The following TTBK2 variants were observed in gnomAD, a reference collection of about 807,000 sequenced individuals.
TTBK2 encodes the protein tau-tubulin kinase 2.
TTBK2 carries 28 observed loss-of-function variants against 110.8 expected under a neutral mutation model. The observed-to-expected ratio is 0.25, with a 90% CI of 0.19 to 0.35. The LOEUF (loss-of-function observed/expected upper bound fraction) is 0.35. Ranked by LOEUF, TTBK2 falls within the 10% of genes least tolerant of loss-of-function variation. The probability of loss-of-function intolerance (pLI) is 1.00; values close to 1 mark genes in which losing one functional copy is unlikely to be tolerated. For synonymous variants in TTBK2, 532 were observed against 527.3 expected (o/e 1.01, Z -0.12); for missense variants, 1,369 against 1,500.3 (o/e 0.91, Z 1.45).
chr15:42,876,026 C>T (rs1438990634), intron 2 of TTBK2, among the ~76,000 whole-genome samples: 2 of 151,346 alleles, frequency 1.3e-5, no homozygotes, highest in Non-Finnish European at 2.9e-5. Flanking sequence ...GAGCTAAGGA[C>T]CTCAAGATAC....
rs544899554 is a variant in TTBK2 at position 42,835,044 on chromosome 15, A to G, written c.292-4966T>C. 2.0e-5 allele frequency among the ~76,000 whole-genome samples: 3 copies of G among 152,342 alleles called. No individual in the cohort carries two copies. The East Asian group carries it at 5.8e-4, about 29-fold the overall frequency. On this transcript the variant is annotated intron_variant, in intron 4 of 14. Transcript: ENST00000267890. ...CAAGTAGTAGTCCTGCCTTTCCTAT[A>G]TAAAATATACTTGAGGATAACCTAA...
At chr15:42,751,049 C>G (rs2061858462) in intron 14 of TTBK2, among the ~76,000 whole-genome samples, 3 of 152,138 alleles carry the variant, frequency 2.0e-5, no homozygotes, top group African/African-American at 7.2e-5. Flanking sequence ...TTGTTACCAC[C>G]AGACCTGTCT....
At chr15:42,747,321 G>C (rs1264782828) in intron 14 of TTBK2, among the ~76,000 whole-genome samples, 1 of 152,104 alleles carries the variant, frequency 6.6e-6, no homozygotes, top group Admixed American at 6.5e-5. Context: ...TGTCTTCTTT[G>C]TCCTAAATGT....
At chr15:42,832,113 T>C (rs1892786237) in intron 4 of TTBK2, among the ~76,000 whole-genome samples, 1 of 152,176 alleles carries the variant, frequency 6.6e-6, no homozygotes, top group South Asian at 2.1e-4. Context: ...TAATGGAAAT[T>C]TGTTGTTCCC....
chr15:42,810,410 G>A (rs574389270), intron 9 of TTBK2, among the ~76,000 whole-genome samples: 1 of 152,256 alleles, frequency 6.6e-6, no homozygotes, highest in East Asian at 1.9e-4. Context: ...ATGAAGTTAA[G>A]TCCATCCAGA....
intron 3 of TTBK2, among the ~76,000 whole-genome samples, chr15:42,861,841 T>C (rs1213451661): frequency 6.6e-6 from 1 of 151,998 alleles, no homozygotes; most frequent in Non-Finnish European, 1.5e-5. Context: ...TTGACAGCAC[T>C]AGCTACATTA....
intron 9 of TTBK2, chr15:42,801,202 C>G: frequency 6.6e-7 from 1 of 1,519,138 alleles, no homozygotes; most frequent in Non-Finnish European, 9.1e-7. Flanking sequence ...TTCTGCATCC[C>G]AGACTCCAGC....
chr15:42,865,632 G>A (rs1346356874), intron 3 of TTBK2, among the ~76,000 whole-genome samples: 2 of 151,600 alleles, frequency 1.3e-5, no homozygotes, highest in East Asian at 3.9e-4. Context: ...GGGCCGGTCT[G>A]GGCAACATAG....
At chr15:42,911,095 T>C (rs1233323258) in intron 1 of TTBK2, among the ~76,000 whole-genome samples, 3 of 151,684 alleles carry the variant, frequency 2.0e-5, no homozygotes, top group South Asian at 2.1e-4. Context: ...CTACATCAAT[T>C]TGTAAGGGCC....
At chr15:42,803,180 T>C (rs1418920250) in intron 9 of TTBK2, among the ~76,000 whole-genome samples, 3 of 152,222 alleles carry the variant, frequency 2.0e-5, no homozygotes, top group Non-Finnish European at 4.4e-5. Flanking sequence ...CAAAGCTAGA[T>C]GGTACAGCCT....
At chr15:42,850,636 TAATTAAA>T (rs1893658986) in intron 3 of TTBK2, among the ~76,000 whole-genome samples, 1 of 152,200 alleles carries the variant, frequency 6.6e-6, no homozygotes, top group African/African-American at 2.4e-5. Context: ...ACCTGGATCT[TAATTAAA>T]AATTAAAAAT....
In TTBK2 at chr15:42,878,411, A is replaced by C. The variant is rs1894902516; in HGVS notation, c.69+138T>G. The C allele has an allele frequency of 2.7e-6, 4 of 1,491,916 alleles. No individual in the cohort carries two copies. The Admixed American group carries it at 7.9e-5, about 29-fold the overall frequency. 92.4% of individuals were successfully genotyped at this position (1,491,916 alleles called of 1,614,324 possible). On this transcript the variant is annotated intron_variant, in intron 2 of 14. Transcript: ENST00000267890. ...AAAAATAACTGTAAATAACTGCTTT[A>C]GGCATATAAGTAATGTATGTAATAT...
At chr15:42,754,116 T>C (rs1392502414) in intron 13 of TTBK2, among the ~76,000 whole-genome samples, 2 of 150,948 alleles carry the variant, frequency 1.3e-5, no homozygotes, top group Admixed American at 6.6e-5. Flanking sequence ...ACACGGTTAC[T>C]GTGTCACCCA....
At chr15:42,800,918 C>T in intron 9 of TTBK2, 1 of 699,512 alleles carries the variant, frequency 1.4e-6, no homozygotes, top group South Asian at 1.6e-5. Context: ...TGGCCTCCCT[C>T]CTAGGCTCTG....
chr15:42,785,191 C>T (rs1890356906), intron 10 of TTBK2, among the ~76,000 whole-genome samples: 1 of 146,650 alleles, frequency 6.8e-6, no homozygotes, highest in Non-Finnish European at 1.5e-5. Flanking sequence ...ATAATCTCTG[C>T]TCACTGCAAC....
chr15:42,754,658 A>T (rs1174944082), intron 13 of TTBK2, among the ~76,000 whole-genome samples: 1 of 143,004 alleles, frequency 7.0e-6, no homozygotes, highest in African/African-American at 2.5e-5. Flanking sequence ...CGGCCTCCCA[A>T]AGTGCTGGGA....
chr15:42,913,352 G>C (rs2030893971), intron 1 of TTBK2, among the ~76,000 whole-genome samples: 1 of 151,662 alleles, frequency 6.6e-6, no homozygotes, highest in East Asian at 2.0e-4. Context: ...AATATCTATT[G>C]AGAGAGGCTG....
At chr15:42,864,005 G>T (rs1894263118) in intron 3 of TTBK2, among the ~76,000 whole-genome samples, 1 of 152,112 alleles carries the variant, frequency 6.6e-6, no homozygotes, top group African/African-American at 2.4e-5. Context: ...AAATACCTTT[G>T]TTGACATTGG....
chr15:42,841,646 G>A (rs1437315174), intron 3 of TTBK2, among the ~76,000 whole-genome samples: 2 of 152,130 alleles, frequency 1.3e-5, no homozygotes, highest in African/African-American at 2.4e-5. Context: ...GCAATGAGGC[G>A]GGTAGACCAC....
Sources: gnomAD v4.1 joint callset for allele counts (sites outside exome capture counted in the v4.1 genomes callset) on GRCh38, gnomAD v4.1.1 for gene constraint, MANE v1.5 for transcripts, NCBI Gene and HGNC (gene_info 2026-07-23, HGNC 2026-07-21) for gene names.